SEMA3E: variants seen among roughly 807,000 people sequenced by gnomAD.
The protein encoded by SEMA3E is semaphorin-3E.
Under a neutral mutation model 93.6 loss-of-function variants are expected in SEMA3E, and 49 were observed. The ratio of observed to expected loss-of-function variants is 0.52; its 90% confidence interval spans 0.42 to 0.66. The LOEUF (loss-of-function observed/expected upper bound fraction) is 0.66, where lower values mean the gene tolerates loss of function less well. Ranked by LOEUF, SEMA3E falls within the 30% of genes least tolerant of loss-of-function variation. The probability of loss-of-function intolerance (pLI) is 0.00; values close to 1 mark genes in which losing one functional copy is unlikely to be tolerated. For synonymous variants in SEMA3E, 363 were observed against 330.7 expected, an observed-to-expected ratio of 1.10 and a Z score of -1.06; for missense variants, 906 against 964.8, an observed-to-expected ratio of 0.94 and a Z score of 0.81.
At chr7:83,618,571 G>A (rs1793475594) in intron 1 of SEMA3E, among the ~76,000 whole-genome samples, 1 of 151,854 alleles carries the variant, frequency 6.6e-6, no homozygotes, top group Non-Finnish European at 1.5e-5. Flanking sequence ...TTCTCATTTG[G>A]ACAGTAATTG....
chr7:83,367,451 T>G lies in SEMA3E; in HGVS notation c.*135A>C, dbSNP rs1000840723. On this transcript the variant is annotated 3_prime_UTR_variant, in exon 17 of 17. Transcript: ENST00000643230. ...CAAATGAGTATGTAGAATAATTTAT[T>G]ATAACACCTTCATAGTCATTCCTGT... 3 of 895,188 alleles carry G rather than the reference T, an allele frequency of 3.4e-6. No homozygotes were observed. Among genetic ancestry groups the G allele is most frequent in the Non-Finnish European group, 3.6e-6 (2 of 554,128 alleles). 55.5% of individuals were successfully genotyped at this position (895,188 alleles called of 1,614,324 possible).
chr7:83,618,740 G>A (rs1189068353), intron 1 of SEMA3E, among the ~76,000 whole-genome samples: 1 of 151,862 alleles, frequency 6.6e-6, no homozygotes, highest in Non-Finnish European at 1.5e-5. Flanking sequence ...AAGAGAAAGT[G>A]AACATAATTC....
chr7:83,443,309 A>G (rs1789156925), intron 4 of SEMA3E, among the ~76,000 whole-genome samples: 1 of 152,180 alleles, frequency 6.6e-6, no homozygotes, highest in African/African-American at 2.4e-5. Context: ...TGGAACATGA[A>G]AGAGCCCATT....
In SEMA3E at chr7:83,392,693, G is replaced by A. The variant is rs1392156888; in HGVS notation, c.1529C>T (p.Ala510Val). The change falls in exon 14 of 17, where the codon GCT (alanine) becomes GTT (valine). Residue 510 changes from alanine to valine, a missense_variant. Coordinates refer to ENST00000643230, the MANE Select transcript of SEMA3E (RefSeq NM_012431.3). The stretch of plus-strand genomic sequence containing the variant: ...GTGATGGAATCTGACTTGAGCCACA[G>A]CAGAAGCAGATCCAATATACAGCTG... ...RQQLYIGSASAVAQVRFHHCD... is the reference protein window; with the variant it reads ...RQQLYIGSASVVAQVRFHHCD... 1 of 1,613,736 alleles carries A rather than the reference G, an allele frequency of 6.2e-7. No homozygotes were observed. Among genetic ancestry groups the A allele is most frequent in the Non-Finnish European group, 8.5e-7 (1 of 1,179,860 alleles).
At chr7:83,408,261 T>C (rs376159197) in intron 6 of SEMA3E, 107 bp downstream of exon 6, 25 of 1,292,616 alleles carry the variant, frequency 1.9e-5, no homozygotes, top group African/African-American at 5.9e-5. Context: ...CTGAAATTTG[T>C]AAAGGAATTG....
At chr7:83,430,193 G>A (rs1473543783) in intron 4 of SEMA3E, among the ~76,000 whole-genome samples, 3 of 152,014 alleles carry the variant, frequency 2.0e-5, no homozygotes, top group African/African-American at 4.8e-5. Context: ...GGCCGGGTAC[G>A]GTGGCTCATG....
intron 1 of SEMA3E, among the ~76,000 whole-genome samples, chr7:83,617,500 T>TTTATATAAAA (rs1584367278): frequency 6.9e-6 from 1 of 144,920 alleles, no homozygotes; most frequent in East Asian, 2.0e-4. Context: ...TAATATATAA[T>TTTATATAAAA]TTTATATAAA....
chr7:83,523,758 G>A (rs1436496836), intron 1 of SEMA3E, among the ~76,000 whole-genome samples: 1 of 151,940 alleles, frequency 6.6e-6, no homozygotes, highest in Non-Finnish European at 1.5e-5. Context: ...TCCATACATT[G>A]TATCTATGAT....
At chr7:83,577,731 G>A (rs1278061204) in intron 1 of SEMA3E, among the ~76,000 whole-genome samples, 1 of 152,028 alleles carries the variant, frequency 6.6e-6, no homozygotes, top group Non-Finnish European at 1.5e-5. Flanking sequence ...CATTAATAAA[G>A]GAGAATTGGC....
chr7:83,514,399 C>T (rs1433364452), intron 1 of SEMA3E, among the ~76,000 whole-genome samples: 1 of 152,062 alleles, frequency 6.6e-6, no homozygotes, highest in African/African-American at 2.4e-5. Flanking sequence ...ACAGTCCTCT[C>T]TTGGGGTCTG....
At chr7:83,634,120 T>C (rs1049000092) in intron 1 of SEMA3E, among the ~76,000 whole-genome samples, 1 of 152,192 alleles carries the variant, frequency 6.6e-6, no homozygotes, top group Non-Finnish European at 1.5e-5. Flanking sequence ...TAAAACAATA[T>C]ATTACTATTA....
chr7:83,561,172 ATAAGT>A (rs1792022377), intron 1 of SEMA3E, among the ~76,000 whole-genome samples: 1 of 152,112 alleles, frequency 6.6e-6, no homozygotes, highest in East Asian at 1.9e-4. Context: ...CAATGTGAAA[ATAAGT>A]TAATGAGTTG....
chr7:83,524,472 T>C (rs1193706840), intron 1 of SEMA3E, among the ~76,000 whole-genome samples: 1 of 152,088 alleles, frequency 6.6e-6, no homozygotes, highest in Non-Finnish European at 1.5e-5. Flanking sequence ...ATTCTAGGAA[T>C]TTAGAGAGCA....
intron 1 of SEMA3E, among the ~76,000 whole-genome samples, chr7:83,585,649 T>C (rs1274700237): frequency 6.6e-6 from 1 of 152,256 alleles, no homozygotes; most frequent in Non-Finnish European, 1.5e-5. Context: ...CTTCACTGTA[T>C]GTGCTTTCTA....
chr7:83,491,733 A>T (rs964835548), intron 1 of SEMA3E, among the ~76,000 whole-genome samples: 3 of 152,064 alleles, frequency 2.0e-5, no homozygotes, highest in African/African-American at 7.2e-5. Context: ...AATGAAGAGT[A>T]TTAGCAAAAA....
intron 10 of SEMA3E, 21 bp from the exon 11 acceptor site, chr7:83,400,271 A>T: frequency 6.2e-7 from 1 of 1,609,432 alleles, no homozygotes; most frequent in African/African-American, 1.3e-5. Flanking sequence ...AGTGGATCAG[A>T]TAATTCTTTT....
chr7:83,594,954 GAA>G (rs375713003), intron 1 of SEMA3E, among the ~76,000 whole-genome samples: 4 of 139,000 alleles, frequency 2.9e-5, no homozygotes, highest in Non-Finnish European at 3.1e-5. Context: ...GAACTTCTGG[GAA>G]AAAAAAAAAA....
At chr7:83,456,842 G>C (rs1341572520) in intron 4 of SEMA3E, among the ~76,000 whole-genome samples, 3 of 151,996 alleles carry the variant, frequency 2.0e-5, no homozygotes, top group Admixed American at 6.6e-5. Context: ...TTGAACTCCT[G>C]ACCTCAGGTG....
chr7:83,428,498 T>C (rs2115733983), intron 4 of SEMA3E, among the ~76,000 whole-genome samples: 1 of 152,310 alleles, frequency 6.6e-6, no homozygotes, highest in African/African-American at 2.4e-5. Context: ...ATAAACATAA[T>C]ATGCAGTTTA....
Sources: allele counts gnomAD v4.1 joint callset (sites outside exome capture counted in the v4.1 genomes callset), GRCh38; gene constraint gnomAD v4.1.1; transcripts MANE v1.5; gene names NCBI Gene and HGNC (gene_info 2026-07-23, HGNC 2026-07-21).